TENM2: variants seen among roughly 807,000 people sequenced by gnomAD.
TENM2 encodes teneurin-2.
TENM2 carries 52 observed loss-of-function variants against 245.2 expected under a neutral mutation model. The ratio of observed to expected loss-of-function variants is 0.21; its 90% CI spans 0.17 to 0.27. The LOEUF is 0.27. TENM2 is among the 10% of genes least tolerant of loss of function. TENM2 has a pLI of 1.00. For missense variants in TENM2, 3,046 were observed against 3,666.8 expected (o/e 0.83, Z 4.37); for synonymous variants, 1,363 against 1,438.9 (o/e 0.95, Z 1.19).
chr5:167,482,141 A>C (rs748815838), intron 2 of TENM2, among the ~76,000 whole-genome samples: 1 of 152,218 alleles, frequency 6.6e-6, no homozygotes, highest in Non-Finnish European at 1.5e-5. Flanking sequence ...CTGCTGCAGG[A>C]TATAATTGGA....
the TENM2 span, among the ~76,000 whole-genome samples, chr5:167,123,809 A>C: frequency 6.6e-6 from 1 of 152,230 alleles, no homozygotes; most frequent in Non-Finnish European, 1.5e-5. Context: ...GATTCTGCCA[A>C]AAGTACAGAA....
At chr5:167,184,946 G>A in the TENM2 span, among the ~76,000 whole-genome samples, 5 of 152,110 alleles carry the variant, frequency 3.3e-5, no homozygotes, top group South Asian at 2.1e-4. Flanking sequence ...TCGATCCCTC[G>A]CATGTGCAGT....
chr5:167,430,530 G>A (rs1403462979), intron 2 of TENM2, among the ~76,000 whole-genome samples: 2 of 152,122 alleles, frequency 1.3e-5, no homozygotes, highest in South Asian at 2.1e-4. Context: ...GAGATGGCGG[G>A]GGGTCTGGTT....
chr5:167,174,689 A>G, the TENM2 span, among the ~76,000 whole-genome samples: 6 of 152,012 alleles, frequency 3.9e-5, no homozygotes, highest in Non-Finnish European at 8.8e-5. Flanking sequence ...CCTAACATCT[A>G]CTTTTGGCAC....
chr5:167,122,849 G>C, the TENM2 span, among the ~76,000 whole-genome samples: 1 of 152,138 alleles, frequency 6.6e-6, no homozygotes, highest in Non-Finnish European at 1.5e-5. Flanking sequence ...CTGATGTGGA[G>C]CTATAAAGGT....
chr5:167,286,807 A>G (rs1195876074), intron 1 of TENM2, among the ~76,000 whole-genome samples: 1 of 152,178 alleles, frequency 6.6e-6, no homozygotes, highest in African/African-American at 2.4e-5. Context: ...TAGGCCTGTC[A>G]CCTTTTCCTT....
chr5:167,533,942 G>C (rs58447180), intron 2 of TENM2, among the ~76,000 whole-genome samples: 4,890 of 152,206 alleles, frequency 0.032, 224 homozygotes, highest in East Asian at 0.19. Context: ...TTAGACTTGT[G>C]GTTTGTAGAC....
intron 2 of TENM2, among the ~76,000 whole-genome samples, chr5:167,695,241 C>T (rs1165858401): frequency 6.6e-6 from 1 of 152,134 alleles, no homozygotes; most frequent in African/African-American, 2.4e-5. Flanking sequence ...TAGTAAGTAT[C>T]TTAGGCTTTG....
At chr5:167,590,559 C>T (rs1459589420) in intron 2 of TENM2, among the ~76,000 whole-genome samples, 1 of 151,912 alleles carries the variant, frequency 6.6e-6, no homozygotes, top group Non-Finnish European at 1.5e-5. Flanking sequence ...AGAAGAACCA[C>T]TCCTTTTTAT....
intron 3 of TENM2, among the ~76,000 whole-genome samples, chr5:167,884,504 C>T (rs964296021): frequency 2.0e-5 from 3 of 152,118 alleles, no homozygotes; most frequent in Admixed American, 1.3e-4. Flanking sequence ...AGTACTTGTC[C>T]TTTTGTGATG....
At chr5:167,923,351 T>G in intron 3 of TENM2, among the ~76,000 whole-genome samples, 1 of 150,180 alleles carries the variant, frequency 6.7e-6, no homozygotes, top group Non-Finnish European at 1.5e-5. Flanking sequence ...TGGGAAGAGG[T>G]TATAGAATGT....
At chr5:168,215,471 A>G (rs1763103346) in intron 21 of TENM2, among the ~76,000 whole-genome samples, 199 bp downstream of exon 23, 1 of 152,150 alleles carries the variant, frequency 6.6e-6, no homozygotes, top group African/African-American at 2.4e-5. Context: ...GATGGAGACT[A>G]TCCTGGCTAA....
At chr5:167,818,859 G>T (rs559879786) in intron 2 of TENM2, among the ~76,000 whole-genome samples, 6 of 152,142 alleles carry the variant, frequency 3.9e-5, no homozygotes, top group African/African-American at 1.4e-4. Flanking sequence ...GAGAGGAACC[G>T]CTTCAAGCTG....
intron 2 of TENM2, among the ~76,000 whole-genome samples, chr5:167,665,412 G>A (rs1247488738): frequency 6.6e-6 from 1 of 151,982 alleles, no homozygotes; most frequent in Non-Finnish European, 1.5e-5. Flanking sequence ...AACATCTGGA[G>A]GCTGAGGGCA....
intron 7 of TENM2, among the ~76,000 whole-genome samples, chr5:168,067,339 A>G (rs1196040269): frequency 1.3e-5 from 2 of 152,192 alleles, no homozygotes; most frequent in South Asian, 4.1e-4. Context: ...TCCACACATT[A>G]AACTCATTAG....
chr5:167,337,123 C>CAAAAAAAA (rs71591174), intron 1 of TENM2, among the ~76,000 whole-genome samples: 55 of 56,662 alleles, frequency 9.7e-4, no homozygotes, highest in African/African-American at 1.4e-3. Flanking sequence ...GACTCCGTCT[C>CAAAAAAAA]AAAAAAAAAA....
the TENM2 span, among the ~76,000 whole-genome samples, chr5:167,128,587 C>T: frequency 6.6e-6 from 1 of 151,714 alleles, no homozygotes; most frequent in African/African-American, 2.4e-5. Context: ...CCCTCTTTCA[C>T]CTGAAAAGTT....
At chr5:167,680,861 G>A (rs777570315) in intron 2 of TENM2, among the ~76,000 whole-genome samples, 2 of 152,132 alleles carry the variant, frequency 1.3e-5, no homozygotes, top group African/African-American at 2.4e-5. Context: ...CTAACTCACT[G>A]CTTAACACAT....
rs908151544 is a variant in TENM2 at position 167,574,548 on chromosome 5, T to A, written c.502+199075T>A. 4.3e-4 allele frequency among the ~76,000 whole-genome samples: 66 copies of A among 152,178 alleles called. 2 individuals are homozygous for A. ...GGGTGAAGCGCTTCTTATATCTCCTTAACGTGTGTCAGGTTGATGGTTCAT... is the reference window on the plus strand; with the variant it reads ...GGGTGAAGCGCTTCTTATATCTCCTAAACGTGTGTCAGGTTGATGGTTCAT... On this transcript the variant is annotated intron_variant, in intron 2 of 28. Transcript: ENST00000518659.
Sources: allele counts gnomAD v4.1 joint callset (sites outside exome capture counted in the v4.1 genomes callset), GRCh38; gene constraint gnomAD v4.1.1; transcripts MANE v1.5; gene names NCBI Gene and HGNC (gene_info 2026-07-23, HGNC 2026-07-21).